Variants in PUS10 observed in about 807,000 individuals in gnomAD.
PUS10 encodes tRNA pseudouridine synthase Pus10.
PUS10 carries 59 observed loss-of-function variants against 75.0 expected under a neutral mutation model. The observed-to-expected ratio is 0.79, with a 90% CI of 0.64 to 0.98. PUS10 has a LOEUF of 0.98. Ranked by LOEUF, PUS10 falls within the 50% of genes least tolerant of loss-of-function variation. The pLI is 0.00. For synonymous variants in PUS10, 219 were observed against 211.6 expected (o/e 1.03, Z -0.30); for missense variants, 650 against 614.4 (o/e 1.06, Z -0.61).
rs747001282 is a variant in PUS10 at position 61,006,554 on chromosome 2, T to C, written c.468+3A>G. The stretch of plus-strand genomic sequence containing the variant: ...ACAGTTTTATGCATGCAAATGACCT[T>C]ACCTCTCTTACAGATAGTTGTGGTG... On this transcript the variant is annotated splice_donor_region_variant and intron_variant, in intron 4 of 17. Coordinates refer to ENST00000316752, the MANE Select transcript of PUS10 (RefSeq NM_144709.4). 1.2e-5 allele frequency: 20 copies of C among 1,607,434 alleles called. No individual in the cohort carries two copies. Among genetic ancestry groups the C allele is most frequent in the Non-Finnish European group, 1.6e-5 (19 of 1,175,138 alleles).
chr2:61,016,827 T>A (rs953645311), intron 1 of PUS10, among the ~76,000 whole-genome samples: 6 of 152,106 alleles, frequency 3.9e-5, no homozygotes, highest in Admixed American at 3.3e-4. Context: ...CTTTTAAAAC[T>A]CATTTCCCTA....
chr2:61,008,228 G>A (rs1015428141), intron 3 of PUS10, among the ~76,000 whole-genome samples: 2 of 150,640 alleles, frequency 1.3e-5, no homozygotes, highest in Non-Finnish European at 3.0e-5. Flanking sequence ...TCTACAAAAA[G>A]ATTAAAAAAT....
At chr2:60,956,101 A>T (rs1295918009) in intron 11 of PUS10, among the ~76,000 whole-genome samples, 1 of 152,142 alleles carries the variant, frequency 6.6e-6, no homozygotes, top group African/African-American at 2.4e-5. Context: ...TTAAAAAAAA[A>T]AAAAATGTAA....
intron 1 of PUS10, 56 bp downstream of exon 1, chr2:61,017,952 C>T: frequency 7.2e-7 from 1 of 1,379,348 alleles, no homozygotes; most frequent in Non-Finnish European, 1.0e-6. Flanking sequence ...CCCTTCCCCC[C>T]TTTAACCAAT....
At chr2:60,957,550 C>T (rs761827122) in intron 11 of PUS10, among the ~76,000 whole-genome samples, 11 of 152,230 alleles carry the variant, frequency 7.2e-5, no homozygotes, top group African/African-American at 2.2e-4. Flanking sequence ...ATCGGCAGAA[C>T]GTAAAAGCAG....
intron 17 of PUS10, among the ~76,000 whole-genome samples, chr2:60,943,762 TTGTGTGTG>T (rs56232022): frequency 5.5e-5 from 8 of 146,740 alleles, no homozygotes; most frequent in Admixed American, 3.4e-4. Flanking sequence ...GATCACAATC[TTGTGTGTG>T]TGTGTGTGTG....
intron 16 of PUS10, among the ~76,000 whole-genome samples, 163 bp downstream of exon 16, chr2:60,947,880 G>GA (rs1410350525): frequency 2.0e-5 from 3 of 150,878 alleles, no homozygotes; most frequent in Non-Finnish European, 4.4e-5. Context: ...AATTAAGTGG[G>GA]AAAAAACCAC....
intron 5 of PUS10, among the ~76,000 whole-genome samples, chr2:60,969,818 G>C (rs1419950460): frequency 6.6e-6 from 1 of 152,188 alleles, no homozygotes; most frequent in African/African-American, 2.4e-5. Flanking sequence ...CGGGAGCAGT[G>C]GCTCATGCCT....
In PUS10 at chr2:60,948,189, G is replaced by A; in HGVS notation, c.1309-4C>T. 1 of 1,613,946 alleles carries A rather than the reference G, an allele frequency of 6.2e-7. No individual in the cohort carries two copies. Among genetic ancestry groups the A allele is most frequent in the Non-Finnish European group, 8.5e-7 (1 of 1,179,862 alleles). ...TTTTCTGGTCGATTTTTAAGTCCTA[G>A]GGGAGAATATGACACACAGTCCCAG... On this transcript the variant is annotated splice_polypyrimidine_tract_variant and splice_region_variant and intron_variant, in intron 15 of 17. Coordinates refer to ENST00000316752, the MANE Select transcript of PUS10 (RefSeq NM_144709.4).
At chr2:60,961,956 G>A (rs1383394368) in intron 9 of PUS10, among the ~76,000 whole-genome samples, 5 of 152,110 alleles carry the variant, frequency 3.3e-5, no homozygotes, top group Admixed American at 6.5e-5. Flanking sequence ...TCACATCATC[G>A]TTTGAAATGT....
Position 60,945,037 on chromosome 2 carries a change from G to A in PUS10, c.1523C>T (p.Thr508Ile). ...AACATCCAGCTCCAGAATGTCTGCAGTCACATTCATCAGGGACCCAATGTT... is the reference window on the plus strand; with the variant it reads ...AACATCCAGCTCCAGAATGTCTGCAATCACATTCATCAGGGACCCAATGTT... Reference protein sequence around the residue: ...KPNIGSLMNVTADILELDVES... With the variant: ...KPNIGSLMNVIADILELDVES... Residue 508 changes from threonine to isoleucine, a missense_variant, in exon 17 of 18, where the codon ACT becomes ATT. Physicochemically the swap from Thr to Ile is moderately conservative, Grantham distance 89. Coordinates refer to ENST00000316752, the MANE Select transcript of PUS10 (RefSeq NM_144709.4). 1 of 1,613,702 alleles carries A rather than the reference G, an allele frequency of 6.2e-7. No homozygotes were observed. The highest frequency in any genetic ancestry group is 1.1e-5 in the South Asian group (1 of 91,080).
At position 60,955,062 on chromosome 2, in the gene PUS10, GA is replaced by G; in HGVS notation, c.1012del (p.Ser338HisfsTer8). 1 of 1,590,630 alleles carries G rather than the reference GA, an allele frequency of 6.3e-7. No homozygotes were observed. The highest frequency in any genetic ancestry group is 8.6e-7 in the Non-Finnish European group (1 of 1,168,804). The stretch of plus-strand genomic sequence containing the variant: ...ATCTACATCTTCTCTTCCAGAGGAT[GA>G]AAAATTAAAACCTTTGAAAAGCAGA... Reference protein sequence around the residue: ...AVFKAESFNFSSSGREDVDVR... With the variant: ...AVFKAESFNFXSSGREDVDVR... On this transcript the variant is annotated frameshift_variant, in exon 12 of 18. Transcript: ENST00000316752. LOFTEE classifies it high-confidence loss of function.
At chr2:60,977,676 T>C (rs996635367) in intron 4 of PUS10, among the ~76,000 whole-genome samples, 7 of 152,160 alleles carry the variant, frequency 4.6e-5, no homozygotes, top group African/African-American at 1.4e-4. Flanking sequence ...AATGAGAGAA[T>C]GTGTCCAGCC....
chr2:60,956,263 A>T (rs1486095858), intron 11 of PUS10, among the ~76,000 whole-genome samples: 1 of 152,184 alleles, frequency 6.6e-6, no homozygotes, highest in Non-Finnish European at 1.5e-5. Flanking sequence ...GTATCTTCTA[A>T]TCAGAGTCAA....
chr2:60,955,109 A>C, intron 11 of PUS10, 35 bp from the exon 12 acceptor site: 5 of 1,328,796 alleles, frequency 3.8e-6, no homozygotes, highest in Non-Finnish European at 4.2e-6. Context: ...AAAATTAGAG[A>C]CATCATAGCT....
At chr2:60,955,181 G>A (rs1054336688) in intron 11 of PUS10, 107 bp from the exon 12 acceptor site, 9 of 592,184 alleles carry the variant, frequency 1.5e-5, no homozygotes, top group Admixed American at 1.0e-4. Context: ...CAATCTATAG[G>A]AGAATCCCCA....
At chr2:60,996,313 C>G (rs944587077) in intron 4 of PUS10, among the ~76,000 whole-genome samples, 1 of 152,150 alleles carries the variant, frequency 6.6e-6, no homozygotes, top group African/African-American at 2.4e-5. Flanking sequence ...CTATATAGAC[C>G]TTGACTAATC....
At chr2:61,004,561 G>A (rs1679075349) in intron 4 of PUS10, among the ~76,000 whole-genome samples, 1 of 149,562 alleles carries the variant, frequency 6.7e-6, no homozygotes, top group African/African-American at 2.5e-5. Context: ...CCTGGGAGGC[G>A]GAGCTTGCAG....
chr2:60,982,670 C>T (rs1010839986), intron 4 of PUS10, among the ~76,000 whole-genome samples: 2 of 152,090 alleles, frequency 1.3e-5, no homozygotes, highest in African/African-American at 4.8e-5. Context: ...TTTCAAGAAA[C>T]AAAAACAGAT....
Sources: gnomAD v4.1 joint callset for allele counts (sites outside exome capture counted in the v4.1 genomes callset) on GRCh38, gnomAD v4.1.1 for gene constraint, MANE v1.5 for transcripts, NCBI Gene and HGNC (gene_info 2026-07-23, HGNC 2026-07-21) for gene names.